The following TANGO6 variants were observed in gnomAD, a reference collection of about 807,000 sequenced individuals.
The protein encoded by TANGO6 is transport and golgi organization 6 homolog, also known as transport and Golgi organization protein 6 homolog.
Under a neutral mutation model 114.2 loss-of-function variants are expected in TANGO6, and 90 were observed. The observed-to-expected ratio is 0.79, with a 90% confidence interval of 0.66 to 0.94. The LOEUF (loss-of-function observed/expected upper bound fraction) is 0.94, where lower values mean the gene tolerates loss of function less well. Ranked by LOEUF, TANGO6 falls within the 40% of genes least tolerant of loss-of-function variation. The pLI is 0.00. For synonymous variants in TANGO6, 477 were observed against 509.8 expected (o/e 0.94, Z 0.87); for missense variants, 1,274 against 1,315.3 (o/e 0.97, Z 0.49).
chr16:68,909,552 C>A, intron 11 of TANGO6, 150 bp downstream of exon 11: 1 of 655,004 alleles, frequency 1.5e-6, no homozygotes, highest in Non-Finnish European at 2.2e-6. Context: ...ACAGCCCACA[C>A]CAGGCCACTG....
intron 17 of TANGO6, among the ~76,000 whole-genome samples, chr16:69,047,002 G>A (rs960442842): frequency 1.3e-5 from 2 of 151,376 alleles, no homozygotes; most frequent in East Asian, 3.9e-4. Context: ...CCAACATGGT[G>A]AAACCCTGTC....
At chr16:69,054,482 G>C (rs533910281) in intron 17 of TANGO6, among the ~76,000 whole-genome samples, 17 of 152,258 alleles carry the variant, frequency 1.1e-4, no homozygotes, top group African/African-American at 4.1e-4. Context: ...GGACTCTTAG[G>C]CTTAATGAAT....
At chr16:69,004,755 G>A (rs1404099401) in intron 15 of TANGO6, among the ~76,000 whole-genome samples, 1 of 152,142 alleles carries the variant, frequency 6.6e-6, no homozygotes, top group Non-Finnish European at 1.5e-5. Flanking sequence ...TTAGTAGCAA[G>A]TCCTTCAGGA....
chr16:69,063,369 A>T (rs1045742839), intron 17 of TANGO6, among the ~76,000 whole-genome samples: 2 of 151,988 alleles, frequency 1.3e-5, no homozygotes, highest in African/African-American at 2.4e-5. Context: ...CTAAAAATAC[A>T]AAAAAATTAG....
At chr16:68,874,982 A>G (rs1213136458) in intron 4 of TANGO6, among the ~76,000 whole-genome samples, 172 bp from the exon 5 acceptor site, 3 of 152,130 alleles carry the variant, frequency 2.0e-5, no homozygotes. Context: ...ATAAGAAATA[A>G]AAAACATAAA....
At position 68,927,917 on chromosome 16, in the gene TANGO6, C is replaced by T. The variant is rs778814150; in HGVS notation, c.2477C>T (p.Thr826Ile). 3 of 1,613,794 alleles carry T rather than the reference C, an allele frequency of 1.9e-6. No individual in the cohort carries two copies. The highest frequency in any genetic ancestry group is 2.7e-5 in the African/African-American group (2 of 74,920). The stretch of plus-strand genomic sequence containing the variant: ...CAAGGAGTCAATGAGCCCAGCACTA[C>T]TACAAGTCAGAAATCTGGAAGCGTA... ...IPQGVNEPST[T>I]TSQKSGSVTT... Residue 826 changes from threonine (T) to isoleucine (I), a missense_variant, in exon 13 of 18, where the codon ACT becomes ATT. Around this residue, in one of 5 missense-constraint regions of TANGO6, gnomAD observed 908 missense variants for 910.2 expected, o/e 1.00. Transcript: ENST00000261778.
At chr16:68,941,509 C>T (rs1423670745) in intron 14 of TANGO6, among the ~76,000 whole-genome samples, 2 of 151,672 alleles carry the variant, frequency 1.3e-5, no homozygotes, top group African/African-American at 2.4e-5. Flanking sequence ...TTTGGGAGGA[C>T]GAGGTGGGTG....
chr16:68,887,899 C>A (rs1460786557), intron 7 of TANGO6, among the ~76,000 whole-genome samples: 3 of 151,860 alleles, frequency 2.0e-5, no homozygotes, highest in African/African-American at 7.3e-5. Context: ...ACAACAACAA[C>A]AACAAAAAAG....
rs866535610 is a variant in TANGO6 at position 69,063,843 on chromosome 16, T to A, written c.3109-19642T>A. Reference sequence around the variant, plus strand: ...TTATTATTATTATTATTATTATTATTATATTATTTTGTTTTGAGATGGAGC... The same window carrying A: ...TTATTATTATTATTATTATTATTATAATATTATTTTGTTTTGAGATGGAGC... On this transcript the variant is annotated intron_variant, in intron 17 of 17. Coordinates refer to ENST00000261778, the MANE Select transcript of TANGO6 (RefSeq NM_024562.2). Among the ~76,000 whole-genome samples the A allele has an allele frequency of 9.6e-5, 14 of 146,316 alleles. No individual in the cohort carries two copies. In the South Asian group the frequency reaches 1.1e-3, roughly 11 times the overall value.
intron 14 of TANGO6, among the ~76,000 whole-genome samples, chr16:68,939,014 G>C (rs1201559436): frequency 6.9e-6 from 1 of 144,442 alleles, no homozygotes; most frequent in Non-Finnish European, 1.5e-5. Context: ...CAAGGCTGCA[G>C]TGAGTTATGA....
chr16:68,985,361 CT>C (rs1963879588), intron 15 of TANGO6, among the ~76,000 whole-genome samples: 1 of 152,054 alleles, frequency 6.6e-6, no homozygotes, highest in Non-Finnish European at 1.5e-5. Flanking sequence ...TTCTTTGGTT[CT>C]TTCCTTGGGA....
At chr16:69,072,944 A>C (rs2152243539) in intron 17 of TANGO6, among the ~76,000 whole-genome samples, 1 of 151,972 alleles carries the variant, frequency 6.6e-6, no homozygotes, top group African/African-American at 2.4e-5. Context: ...GATATTTCTA[A>C]GTGAAAGATT....
At chr16:68,870,464 T>C (rs1403168058) in intron 4 of TANGO6, among the ~76,000 whole-genome samples, 1 of 152,110 alleles carries the variant, frequency 6.6e-6, no homozygotes, top group Non-Finnish European at 1.5e-5. Flanking sequence ...CAGTTACCCA[T>C]AAGAAGTTGT....
At chr16:68,962,581 A>G (rs898602141) in intron 14 of TANGO6, among the ~76,000 whole-genome samples, 1 of 152,130 alleles carries the variant, frequency 6.6e-6, no homozygotes, top group Admixed American at 6.6e-5. Context: ...GACCAACATG[A>G]AGAAACCTTT....
At chr16:69,044,476 C>G (rs1341428370) in intron 17 of TANGO6, among the ~76,000 whole-genome samples, 1 of 152,052 alleles carries the variant, frequency 6.6e-6, no homozygotes, top group African/African-American at 2.4e-5. Context: ...AGAGGTGATG[C>G]ACACGATAAG....
At position 68,974,237 on chromosome 16, in the gene TANGO6, T is replaced by C. The variant is rs939248606; in HGVS notation, c.2842+69T>C. On this transcript the variant is annotated intron_variant, in intron 15 of 17. Transcript: ENST00000261778. ...AGTGTGACTTTGAAACCAAAATGTG[T>C]GTACCTGGGGGCTTGTTACACTAGT... is the stretch of plus-strand genomic sequence containing the variant. The C allele has an allele frequency of 1.8e-5, 29 of 1,587,288 alleles. 1 individual carries two copies. The highest frequency in any genetic ancestry group is 2.2e-5 in the Non-Finnish European group (26 of 1,158,304).
chr16:68,991,767 G>T (rs1963947838), intron 15 of TANGO6, among the ~76,000 whole-genome samples: 1 of 152,232 alleles, frequency 6.6e-6, no homozygotes, highest in Non-Finnish European at 1.5e-5. Flanking sequence ...AGAGGTTGCA[G>T]TGAGCCAAGA....
At chr16:68,867,041 A>G (rs1962189099) in intron 3 of TANGO6, 38 bp from the exon 4 acceptor site, 1 of 1,488,882 alleles carries the variant, frequency 6.7e-7, no homozygotes, top group Non-Finnish European at 9.0e-7. Flanking sequence ...TATCTATTTC[A>G]GTGACATTCA....
intron 15 of TANGO6, among the ~76,000 whole-genome samples, chr16:68,990,043 G>A (rs903705451): frequency 2.0e-5 from 3 of 151,696 alleles, no homozygotes; most frequent in African/African-American, 7.3e-5. Context: ...TCTCTTTCTC[G>A]CTCTGTGTGT....
Sources: gnomAD v4.1 joint callset for allele counts (sites outside exome capture counted in the v4.1 genomes callset) on GRCh38, gnomAD v4.1.1 for gene constraint, gnomAD v4.1.1 regional missense constraint, MANE v1.5 for transcripts, NCBI Gene and HGNC (gene_info 2026-07-23, HGNC 2026-07-21) for gene names.